The following MPRIP variants were observed in gnomAD, a reference collection of about 807,000 sequenced individuals.
MPRIP encodes the protein myosin phosphatase Rho-interacting protein.
Under a neutral mutation model 234.9 loss-of-function variants are expected in MPRIP, and 59 were observed. That is an observed-to-expected ratio of 0.25 (90% confidence interval 0.20 to 0.31). The LOEUF (loss-of-function observed/expected upper bound fraction) is 0.31, where lower values mean the gene tolerates loss of function less well. Among genes scored for constraint, MPRIP ranks in the 10% least tolerant of loss-of-function variants. The pLI is 1.00. For synonymous variants in MPRIP, 1,144 were observed against 1,263.9 expected, an observed-to-expected ratio of 0.91 and a Z score of 2.01; for missense variants, 2,436 against 3,071.0, an observed-to-expected ratio of 0.79 and a Z score of 4.89.
At chr17:17,091,706 G>A (rs1378609393) in intron 3 of MPRIP, among the ~76,000 whole-genome samples, 2 of 152,152 alleles carry the variant, frequency 1.3e-5, no homozygotes, top group Non-Finnish European at 2.9e-5. Flanking sequence ...CTCTCCCTCA[G>A]GAAAAACCGA....
intron 3 of MPRIP, among the ~76,000 whole-genome samples, chr17:17,124,706 C>T (rs970528833): frequency 1.3e-5 from 2 of 152,154 alleles, no homozygotes; most frequent in Non-Finnish European, 2.9e-5. Context: ...CTCAGAGAGA[C>T]AAGATGCCTT....
At chr17:17,177,781 G>C (rs2046287397) in intron 22 of MPRIP, among the ~76,000 whole-genome samples, 1 of 152,146 alleles carries the variant, frequency 6.6e-6, no homozygotes, top group African/African-American at 2.4e-5. Context: ...GTGGAGAATG[G>C]GAGGGAGCTC....
At chr17:17,047,187 GTAA>G (rs982347336) in intron 1 of MPRIP, among the ~76,000 whole-genome samples, 48 of 152,150 alleles carry the variant, frequency 3.2e-4, no homozygotes, top group African/African-American at 1.1e-3. Context: ...TCTCAAAAAA[GTAA>G]TAATAATAAT....
At chr17:17,045,836 C>A (rs1463445691) in intron 1 of MPRIP, among the ~76,000 whole-genome samples, 1 of 147,258 alleles carries the variant, frequency 6.8e-6, no homozygotes, top group Non-Finnish European at 1.5e-5. Flanking sequence ...GGCGGAGTCT[C>A]GCTCTGTTGC....
intron 1 of MPRIP, 40 bp downstream of exon 1, chr17:17,043,011 A>G: frequency 1.3e-6 from 2 of 1,593,272 alleles, no homozygotes; most frequent in Non-Finnish European, 1.7e-6. Flanking sequence ...CCGTTCTGGG[A>G]GCCGCGGGTC....
At chr17:17,154,185 C>T (rs2045673897) in intron 12 of MPRIP, 121 bp from the exon 13 acceptor site, 1 of 785,290 alleles carries the variant, frequency 1.3e-6, no homozygotes, top group Admixed American at 2.1e-5. Context: ...CTAGAAGGGT[C>T]ACCCAGTCAC....
rs763488272 is a variant in MPRIP, at chr17:17,158,856, G to A, written c.2254G>A (p.Val752Met). ...CGACCTCAAAACGCATAACGTCCAC[G>A]TGGAGATTGAGCAGCGGTGGCATCA... The part of the protein sequence containing the change: ...MSDLKTHNVH[V>M]EIEQRWHQVE... Residue 752 changes from valine (V) to methionine (M), a missense_variant, in exon 14 of 24, where the codon GTG becomes ATG. Around this residue, in one of 4 missense-constraint regions of MPRIP, gnomAD observed 1,998 missense variants for 2,520.3 expected, o/e 0.79. Coordinates refer to ENST00000651222, the MANE Select transcript of MPRIP (RefSeq NM_001364716.4). 1.6e-5 allele frequency: 26 copies of A among 1,611,796 alleles called. No individual in the cohort carries two copies. Among genetic ancestry groups the A allele is most frequent in the East Asian group, 8.9e-5 (4 of 44,898 alleles).
intron 14 of MPRIP, 74 bp from the exon 15 acceptor site, chr17:17,161,164 GAA>G (rs1283163241): frequency 9.8e-7 from 1 of 1,017,152 alleles, no homozygotes; most frequent in Non-Finnish European, 1.4e-6. Context: ...GAAGACCAGT[GAA>G]AGAGTCTGTG....
At position 17,185,223 on chromosome 17, in the gene MPRIP, T is replaced by G; in HGVS notation, c.*329T>G. ...GTCAGTATTAAGGCCCAGCAGCCTG[T>G]TGATAAGCTACCCTGTCTCACCATG... On this transcript the variant is annotated 3_prime_UTR_variant, in exon 24 of 24. Coordinates refer to ENST00000651222, the MANE Select transcript of MPRIP (RefSeq NM_001364716.4). The G allele has an allele frequency of 3.0e-6, 1 of 337,978 alleles. No homozygotes were observed. The highest frequency in any genetic ancestry group is 5.8e-6 in the Non-Finnish European group (1 of 171,256). The allele number at this position is 337,978 out of a possible 1,614,324, so 20.9% of individuals were successfully genotyped here.
At chr17:17,103,229 G>T (rs943833302) in intron 3 of MPRIP, among the ~76,000 whole-genome samples, 1 of 152,190 alleles carries the variant, frequency 6.6e-6, no homozygotes, top group African/African-American at 2.4e-5. Context: ...TGTCAGATGC[G>T]CTCTGGTGAA....
In MPRIP at chr17:17,172,798, C is replaced by G; in HGVS notation, c.6573C>G (p.Ala2191=). Residue 2191 remains alanine (A), a synonymous_variant, in exon 18 of 24, where the codon GCC becomes GCG. Transcript: ENST00000651222. The part of the protein sequence containing the change: ...QISSVNSDVE[A]LRRQYLEELQ... ...GCAGCGTCAACTCGGATGTTGAGGCCCTGCGGCGCCAGTACCTGTAAGTGG... is the reference window on the plus strand; with the variant it reads ...GCAGCGTCAACTCGGATGTTGAGGCGCTGCGGCGCCAGTACCTGTAAGTGG... 6.2e-7 allele frequency: 1 copy of G among 1,612,256 alleles called. No individual in the cohort carries two copies. Among genetic ancestry groups the G allele is most frequent in the South Asian group, 1.1e-5 (1 of 91,044 alleles).
rs1187601922 is a variant in MPRIP, at chr17:17,165,747, C to G, written c.4156C>G (p.Leu1386Val). ...CACGTACCTCTCCATCATCCACTCC[C>G]TGGAGACCAAGCTCTACGTCACAGA... ...SDTYLSIIHS[L>V]ETKLYVTEEK... Residue 1386 changes from leucine to valine, a missense_variant, in exon 16 of 24, where the codon CTG becomes GTG. Physicochemically the swap from Leu to Val is conservative, Grantham distance 32. Transcript: ENST00000651222. 7.7e-7 allele frequency: 1 copy of G among 1,304,922 alleles called. No individual in the cohort carries two copies. Among genetic ancestry groups the G allele is most frequent in the Non-Finnish European group, 1.0e-6 (1 of 988,992 alleles). 80.8% of individuals were successfully genotyped at this position (1,304,922 alleles called of 1,614,324 possible).
intron 13 of MPRIP, among the ~76,000 whole-genome samples, chr17:17,155,110 C>T (rs2045698148): frequency 6.6e-6 from 1 of 152,228 alleles, no homozygotes; most frequent in African/African-American, 2.4e-5. Context: ...AGCCTCCACG[C>T]ATCTGAGCAC....
chr17:17,174,084 G>A lies in MPRIP; in HGVS notation c.6750+9G>A, dbSNP rs760027987. 1.2e-6 allele frequency: 2 copies of A among 1,612,482 alleles called. No individual in the cohort carries two copies. The highest frequency in any genetic ancestry group is 2.2e-5 in the East Asian group (1 of 44,870). ...TCAATGCCCACAACCAGGTGAGCCT[G>A]CAGCCAGGTGAGCCCAAGGTTAGTC... On this transcript the variant is annotated intron_variant, in intron 19 of 23. Transcript: ENST00000651222.
rs1567751971 is a variant in MPRIP at position 17,149,744 on chromosome 17, A to AAAATATATTT, written c.1630-400_1630-399insAAATATATTT. The AAAATATATTT allele has an allele frequency of 1.8e-4, 8 of 43,422 alleles. No homozygotes were observed. In the East Asian group the frequency reaches 7.7e-3, roughly 42 times the overall value. 2.7% of individuals were successfully genotyped at this position (43,422 alleles called of 1,614,324 possible). A position where few individuals can be genotyped will look rare whatever the true frequency, so the allele number is the denominator to read the frequency against. On this transcript the variant is annotated intron_variant, in intron 11 of 23. Transcript: ENST00000651222. ...TTAAATGTATAAAATATATTTTATA[A>AAAATATATTT]TATATTTTAAAATATATTTAAATAT...
In MPRIP at chr17:17,164,520, G is replaced by A; in HGVS notation, c.2929G>A (p.Glu977Lys). The change falls in exon 16 of 24, where the codon GAG becomes AAG. Residue 977 changes from glutamate to lysine, a missense_variant. By Grantham distance (56) the Glu-to-Lys change is moderately conservative (BLOSUM62 1). Transcript: ENST00000651222. ...GAAGACGCAGGAGCTACGGGGCCTGGAGACACAGCAGGCGCTGCAGCGGGA... is the reference window on the plus strand; with the variant it reads ...GAAGACGCAGGAGCTACGGGGCCTGAAGACACAGCAGGCGCTGCAGCGGGA... ...LEKTQELRGL[E>K]TQQALQRDRQ... is the part of the protein sequence containing the mutation. The A allele has an allele frequency of 8.3e-7, 1 of 1,210,176 alleles. No homozygotes were observed. The highest frequency in any genetic ancestry group is 1.1e-6 in the Non-Finnish European group (1 of 948,374). 75.0% of individuals were successfully genotyped at this position (1,210,176 alleles called of 1,614,324 possible).
At chr17:17,095,848 T>C (rs990423755) in intron 3 of MPRIP, among the ~76,000 whole-genome samples, 1 of 152,188 alleles carries the variant, frequency 6.6e-6, no homozygotes, top group African/African-American at 2.4e-5. Flanking sequence ...AGTGCCAGCC[T>C]GCCTCCTCCT....
rs1379928443 is a variant in MPRIP at position 17,188,208 on chromosome 17, A to G, written c.*3314A>G. On this transcript the variant is annotated 3_prime_UTR_variant, in exon 24 of 24. Transcript: ENST00000651222. ...TGGATCATTGGGCAGGGGTGGAGAC[A>G]GTGCGCTGCCCTCTGAGCTGGAAGC... is the stretch of plus-strand genomic sequence containing the variant. 1 of 152,302 alleles carries G rather than the reference A, an allele frequency of 6.6e-6. No homozygotes were observed. Among genetic ancestry groups the G allele is most frequent in the East Asian group, 1.9e-4 (1 of 5,202 alleles). 9.4% of individuals were successfully genotyped at this position (152,302 alleles called of 1,614,324 possible).
chr17:17,185,587 C>G lies in MPRIP; in HGVS notation c.*693C>G. The G allele has an allele frequency of 2.2e-6, 1 of 456,624 alleles. No individual in the cohort carries two copies. The highest frequency in any genetic ancestry group is 4.4e-6 in the Non-Finnish European group (1 of 227,000). 28.3% of individuals were successfully genotyped at this position (456,624 alleles called of 1,614,324 possible). ...CCCCGGCCCCTCTCCTTCCTTCCTT[C>G]CTTCCTTCCTCCGCTCGTTCCTTTC... On this transcript the variant is annotated 3_prime_UTR_variant, in exon 24 of 24. Coordinates refer to ENST00000651222, the MANE Select transcript of MPRIP (RefSeq NM_001364716.4).
Sources: allele counts gnomAD v4.1 joint callset (sites outside exome capture counted in the v4.1 genomes callset), GRCh38; gene constraint gnomAD v4.1.1; regional missense constraint gnomAD v4.1.1; transcripts MANE v1.5; gene names NCBI Gene and HGNC (gene_info 2026-07-23, HGNC 2026-07-21).